The following RUBCNL variants were observed in gnomAD, a reference collection of about 807,000 sequenced individuals.
RUBCNL encodes rubicon like autophagy enhancer, also known as protein associated with UVRAG as autophagy enhancer.
RUBCNL carries 62 observed loss-of-function variants against 69.5 expected under a neutral mutation model. That is an observed-to-expected ratio of 0.89 (90% CI 0.73 to 1.10). The LOEUF is 1.10. Ranked by LOEUF, RUBCNL falls within the 50% of genes least tolerant of loss-of-function variation. RUBCNL has a pLI of 0.00. For missense variants in RUBCNL, 768 were observed against 798.1 expected, an observed-to-expected ratio of 0.96 and a Z score of 0.45; for synonymous variants, 291 against 303.6, an observed-to-expected ratio of 0.96 and a Z score of 0.43.
intron 5 of RUBCNL, 65 bp from the exon 6 acceptor site, chr13:46,363,278 A>G (rs2048674015): frequency 1.4e-6 from 1 of 714,316 alleles, no homozygotes; most frequent in Non-Finnish European, 2.2e-6. Context: ...ACAACCTGCA[A>G]CACCCAACTA....
rs1398434307 is a variant in RUBCNL, at chr13:46,363,096, A to C, written c.925+19T>G. 2 of 1,534,678 alleles carry C rather than the reference A, an allele frequency of 1.3e-6. No homozygotes were observed. The highest frequency in any genetic ancestry group is 2.8e-5 in the African/African-American group (2 of 72,714). ...TTGGGGAGGCAGCCAGTCACATCCA[A>C]ACAGTTTCCAAATCTTACCTAAAAT... is the stretch of plus-strand genomic sequence containing the variant. On this transcript the variant is annotated intron_variant, in intron 6 of 14. Coordinates refer to ENST00000429979, the MANE Select transcript of RUBCNL (RefSeq NM_025113.5).
intron 10 of RUBCNL, chr13:46,354,997 G>A: frequency 3.0e-6 from 1 of 330,642 alleles, no homozygotes; most frequent in South Asian, 2.4e-5. Flanking sequence ...AGATGTGCTG[G>A]GAAAATGACT....
intron 7 of RUBCNL, among the ~76,000 whole-genome samples, chr13:46,361,895 T>C (rs1566076562): frequency 6.6e-6 from 1 of 151,996 alleles, no homozygotes; most frequent in East Asian, 1.9e-4. Context: ...TATATATGAG[T>C]CTCAATTTTT....
chr13:46,346,310 C>G (rs2048244616), intron 12 of RUBCNL, among the ~76,000 whole-genome samples: 1 of 152,206 alleles, frequency 6.6e-6, no homozygotes, highest in African/African-American at 2.4e-5. Flanking sequence ...CCTGCGGCAT[C>G]CTCTGCCTGG....
In RUBCNL at chr13:46,349,951, T is replaced by C. The variant is rs571481187; in HGVS notation, c.1569+162A>G. On this transcript the variant is annotated intron_variant, in intron 11 of 14. Coordinates refer to ENST00000429979, the MANE Select transcript of RUBCNL (RefSeq NM_025113.5). Reference sequence around the variant, plus strand: ...CGCCCACCTTGGCCTCTCAAAGTGCTGGGATTACAGGTGTGAGCCCCTGCG... The same window carrying C: ...CGCCCACCTTGGCCTCTCAAAGTGCCGGGATTACAGGTGTGAGCCCCTGCG... Among the ~76,000 whole-genome samples the C allele has an allele frequency of 3.3e-5, 5 of 152,246 alleles. No homozygotes were observed. The East Asian group carries it at 7.7e-4, about 23-fold the overall frequency.
chr13:46,353,931 G>A (rs1487007706), intron 10 of RUBCNL, among the ~76,000 whole-genome samples: 1 of 152,198 alleles, frequency 6.6e-6, no homozygotes, highest in African/African-American at 2.4e-5. Flanking sequence ...AGGTGGACTA[G>A]TGCTACCATA....
chr13:46,340,094 C>A lies in RUBCNL; in HGVS notation c.*3291G>T, dbSNP rs147336234. ...CAACCTCTGCTTTTTTTCTTCCCTG[C>A]ATCTTCTCTCTTCTCTCAATTTCCC... On this transcript the variant is annotated 3_prime_UTR_variant, in exon 15 of 15. Transcript: ENST00000429979. Among the ~76,000 whole-genome samples, 11 of 151,934 alleles carry A rather than the reference C, an allele frequency of 7.2e-5. No homozygotes were observed. The East Asian group carries it at 2.1e-3, about 29-fold the overall frequency.
chr13:46,338,661 CAAG>C lies in RUBCNL; in HGVS notation c.*4721_*4723del, dbSNP rs781314493. 2.6e-5 allele frequency among the ~76,000 whole-genome samples: 4 copies of C among 151,914 alleles called. No individual in the cohort carries two copies. Among genetic ancestry groups the C allele is most frequent in the Non-Finnish European group, 4.4e-5 (3 of 67,992 alleles). ...CAGTCCTGATCCCAGGCAAGGGATG[CAAG>C]AAGAACAAGACCATGGAGGCAGGAA... On this transcript the variant is annotated 3_prime_UTR_variant, in exon 15 of 15. Transcript: ENST00000429979.
chr13:46,387,786 C>T, upstream of RUBCNL: 1 of 985,762 alleles, frequency 1.0e-6, no homozygotes. Context: ...TCACTGTCAG[C>T]AACTCGTCAC....
intron 5 of RUBCNL, among the ~76,000 whole-genome samples, chr13:46,364,692 T>C (rs1207385027): frequency 7.1e-6 from 1 of 140,768 alleles, no homozygotes; most frequent in Non-Finnish European, 1.5e-5. Context: ...TGCTATTTTC[T>C]ACCCTTGTTT....
At chr13:46,382,820 C>T (rs751337642) in intron 1 of RUBCNL, among the ~76,000 whole-genome samples, 16 of 152,230 alleles carry the variant, frequency 1.1e-4, no homozygotes, top group Non-Finnish European at 2.2e-4. Context: ...CAGGCATGAG[C>T]CACCGCGCCT....
intron 12 of RUBCNL, among the ~76,000 whole-genome samples, chr13:46,347,984 C>T (rs898956929): frequency 4.6e-5 from 7 of 151,582 alleles, no homozygotes; most frequent in Non-Finnish European, 1.0e-4. Flanking sequence ...CAGAAGGAGA[C>T]TCCGTCTCAA....
rs796595075 is a variant in RUBCNL at position 46,335,276 on chromosome 13, T to G, written c.*8109A>C. ...GTTGTTGTTGTTTTTTTTTTTTTTT[T>G]TTTTTTTTTAAGAGACAGGGTCTCG... On this transcript the variant is annotated 3_prime_UTR_variant, in exon 15 of 15. Transcript: ENST00000429979. Among the ~76,000 whole-genome samples the G allele has an allele frequency of 0.024, 3,583 of 147,550 alleles. 62 individuals are homozygous for G. The highest frequency in any genetic ancestry group is 0.054 in the East Asian group (274 of 5,120).
intron 1 of RUBCNL, among the ~76,000 whole-genome samples, chr13:46,380,862 T>G (rs2049102401): frequency 1.3e-5 from 2 of 152,148 alleles, no homozygotes; most frequent in African/African-American, 4.8e-5. Flanking sequence ...TAAATTAACA[T>G]TCTACCTAAA....
rs1463967718 is a variant in RUBCNL at position 46,361,484 on chromosome 13, A to G, written c.1076T>C (p.Val359Ala). ...VFQKCWILSVVNSQLAGSLSA... is the reference protein window; with the variant it reads ...VFQKCWILSVANSQLAGSLSA... ...CAGGGAACCTGCCAGCTGAGAATTA[A>G]CTACTGACAGTATCCAGCACTTCTG... The change falls in exon 8 of 15, where the codon GTT becomes GCT. Residue 359 changes from valine to alanine, a missense_variant. Transcript: ENST00000429979. The G allele has an allele frequency of 1.9e-6, 3 of 1,613,860 alleles. No individual in the cohort carries two copies. Among genetic ancestry groups the G allele is most frequent in the Non-Finnish European group, 2.5e-6 (3 of 1,179,872 alleles).
chr13:46,347,670 C>A (rs1489519674), intron 12 of RUBCNL, among the ~76,000 whole-genome samples: 1 of 152,106 alleles, frequency 6.6e-6, no homozygotes, highest in Non-Finnish European at 1.5e-5. Context: ...TATATACATA[C>A]AATGAAATAT....
rs137862794 is a variant in RUBCNL, at chr13:46,358,002, A to T, written c.1265+1484T>A. ...CTTGGAAATACCAAGGAAATTGTAA[A>T]ATTTGTTTACAGTTCAGGATCAGCA... On this transcript the variant is annotated intron_variant, in intron 9 of 14. Transcript: ENST00000429979. 9.2e-5 allele frequency among the ~76,000 whole-genome samples: 14 copies of T among 152,270 alleles called. 1 individual carries two copies. The East Asian group carries it at 2.7e-3, about 29-fold the overall frequency.
In RUBCNL at chr13:46,361,538, AG is replaced by A. The variant is rs758432512; in HGVS notation, c.1021del (p.Leu341TyrfsTer2). The A allele has an allele frequency of 6.2e-7, 1 of 1,609,466 alleles. No individual in the cohort carries two copies. Among genetic ancestry groups the A allele is most frequent in the Non-Finnish European group, 8.5e-7 (1 of 1,177,590 alleles). The stretch of plus-strand genomic sequence containing the variant: ...CACGCGGTACAGCTCTTTGGCTAAT[AG>A]TTCTGCAGAATTGAAGTCTGGCTCA... ...TYEPDFNSAE[L>X]LAKELYRVFQ... On this transcript the variant is annotated frameshift_variant, in exon 8 of 15. Coordinates refer to ENST00000429979, the MANE Select transcript of RUBCNL (RefSeq NM_025113.5). LOFTEE classifies it high-confidence loss of function.
chr13:46,357,717 C>T (rs2048522599), intron 9 of RUBCNL, among the ~76,000 whole-genome samples: 1 of 151,078 alleles, frequency 6.6e-6, no homozygotes, highest in African/African-American at 2.4e-5. Context: ...GCAACCTTCA[C>T]CTCCCAGGTT....
Sources: allele counts gnomAD v4.1 joint callset (sites outside exome capture counted in the v4.1 genomes callset), GRCh38; gene constraint gnomAD v4.1.1; transcripts MANE v1.5; gene names NCBI Gene and HGNC (gene_info 2026-07-23, HGNC 2026-07-21).